Variants in TGFBR3 observed in about 807,000 individuals in gnomAD.
The protein encoded by TGFBR3 is transforming growth factor beta receptor 3, also known as transforming growth factor beta receptor type 3.
Under a neutral mutation model 87.9 loss-of-function variants are expected in TGFBR3, and 46 were observed. The observed-to-expected ratio is 0.52, with a 90% CI of 0.41 to 0.67. The LOEUF is 0.67. TGFBR3 is among the 30% of genes least tolerant of loss of function. The pLI is 0.00. For missense variants in TGFBR3, 866 were observed against 1,041.9 expected (o/e 0.83, Z 2.32); for synonymous variants, 381 against 391.6 (o/e 0.97, Z 0.32).
intron 2 of TGFBR3, among the ~76,000 whole-genome samples, chr1:91,825,790 G>A (rs1425279824): frequency 6.6e-6 from 1 of 152,138 alleles, no homozygotes; most frequent in Non-Finnish European, 1.5e-5. Flanking sequence ...AAACCAGCCT[G>A]GCCAACATGG....
At chr1:91,798,120 C>A (rs565048593) in intron 2 of TGFBR3, among the ~76,000 whole-genome samples, 76 of 152,276 alleles carry the variant, frequency 5.0e-4, no homozygotes, top group African/African-American at 1.8e-3. Context: ...ATCAGTCAAG[C>A]CTTAAATCCT....
At chr1:91,852,832 A>G (rs1677791673) in intron 2 of TGFBR3, among the ~76,000 whole-genome samples, 1 of 152,202 alleles carries the variant, frequency 6.6e-6, no homozygotes, top group Admixed American at 6.5e-5. Flanking sequence ...TGTATCAAAA[A>G]GCAGAATTAA....
At chr1:91,852,290 C>T (rs1677766877) in intron 2 of TGFBR3, among the ~76,000 whole-genome samples, 1 of 152,132 alleles carries the variant, frequency 6.6e-6, no homozygotes, top group East Asian at 1.9e-4. Flanking sequence ...GCTATCCACC[C>T]CACCTCCACA....
intron 2 of TGFBR3, among the ~76,000 whole-genome samples, chr1:91,851,869 T>C (rs944390286): frequency 6.6e-6 from 1 of 152,208 alleles, no homozygotes; most frequent in Non-Finnish European, 1.5e-5. Context: ...CATCTAGCAA[T>C]AATCTTACTC....
intron 5 of TGFBR3, among the ~76,000 whole-genome samples, chr1:91,730,189 C>T (rs10783003): frequency 0.55 from 83,080 of 151,804 alleles, 24,319 homozygotes; most frequent in South Asian, 0.8. Flanking sequence ...CAACTAGGGG[C>T]CTCTTTTGGC....
chr1:91,733,751 G>A (rs778506633), intron 5 of TGFBR3, among the ~76,000 whole-genome samples: 2 of 152,080 alleles, frequency 1.3e-5, no homozygotes, highest in African/African-American at 4.8e-5. Flanking sequence ...TTAAAAAAAG[G>A]TCTGGCCAGG....
chr1:91,825,882 G>A (rs1676614729), intron 2 of TGFBR3, among the ~76,000 whole-genome samples: 1 of 151,738 alleles, frequency 6.6e-6, no homozygotes, highest in Non-Finnish European at 1.5e-5. Context: ...TCGGGAGGCT[G>A]AGGCAGAACA....
chr1:91,876,388 C>T (rs1185238864), intron 1 of TGFBR3, among the ~76,000 whole-genome samples: 2 of 152,134 alleles, frequency 1.3e-5, no homozygotes, highest in African/African-American at 4.8e-5. Context: ...TAGCAGTAGG[C>T]ATCCCGAAAG....
chr1:91,685,097 T>G (rs919267554), intron 16 of TGFBR3, among the ~76,000 whole-genome samples: 1 of 152,188 alleles, frequency 6.6e-6, no homozygotes, highest in Non-Finnish European at 1.5e-5. Context: ...CTGCAAAATG[T>G]AGAACTGGCT....
chr1:91,685,247 T>C (rs187973173), intron 16 of TGFBR3, among the ~76,000 whole-genome samples: 2 of 152,230 alleles, frequency 1.3e-5, no homozygotes, highest in Non-Finnish European at 2.9e-5. Flanking sequence ...TAATTATCTT[T>C]TCTTCTGGGA....
intron 1 of TGFBR3, chr1:91,866,702 C>T (rs1678403826): frequency 2.0e-5 from 3 of 152,140 alleles, no homozygotes; most frequent in Admixed American, 2.0e-4. Flanking sequence ...ACAATAATCA[C>T]AAACATGTAA....
Position 91,727,772 on chromosome 1 carries a change from G to T in TGFBR3, c.772C>A (p.Pro258Thr). 6.2e-7 allele frequency: 1 copy of T among 1,613,978 alleles called. No homozygotes were observed. The part of the protein sequence containing the change: ...FQVDITIDIR[P>T]SQEDLEVVKN... ...ACCACTTCAAGATCCTCTTGAGAAGGTCTTATATCAATTGTTATATCCACC... is the reference window on the plus strand; with the variant it reads ...ACCACTTCAAGATCCTCTTGAGAAGTTCTTATATCAATTGTTATATCCACC... Residue 258 changes from proline to threonine, a missense_variant, in exon 7 of 17, where the codon CCT (proline) becomes ACT (threonine). Pro to Thr is a conservative substitution (Grantham distance 38). Coordinates refer to ENST00000212355, the MANE Select transcript of TGFBR3 (RefSeq NM_003243.5).
intron 2 of TGFBR3, among the ~76,000 whole-genome samples, chr1:91,826,108 G>A (rs1676624015): frequency 6.6e-6 from 1 of 152,106 alleles, no homozygotes. Context: ...AGCTACAGTG[G>A]CCACAAATAG....
At position 91,709,439 on chromosome 1, in the gene TGFBR3, G is replaced by A. The variant is rs371296463; in HGVS notation, c.2167-656C>T. On this transcript the variant is annotated intron_variant, in intron 13 of 16. Transcript: ENST00000212355. ...ATTGAAAAACAGAATGGTTGTATGGGGACTGTCTATACTGCATTATGAAGG... is the reference window on the plus strand; with the variant it reads ...ATTGAAAAACAGAATGGTTGTATGGAGACTGTCTATACTGCATTATGAAGG... Among the ~76,000 whole-genome samples, 13 of 152,198 alleles carry A rather than the reference G, an allele frequency of 8.5e-5. No individual in the cohort carries two copies. In the East Asian group the frequency reaches 2.5e-3, roughly 29 times the overall value.
At chr1:91,826,224 G>A (rs369995183) in intron 2 of TGFBR3, among the ~76,000 whole-genome samples, 4 of 152,190 alleles carry the variant, frequency 2.6e-5, no homozygotes, top group South Asian at 4.2e-4. Context: ...TAGCACATTA[G>A]AGGGTCCCCT....
chr1:91,722,859 T>C (rs1257670438), intron 7 of TGFBR3, among the ~76,000 whole-genome samples: 1 of 152,140 alleles, frequency 6.6e-6, no homozygotes, highest in Non-Finnish European at 1.5e-5. Flanking sequence ...ATAGAAAAGG[T>C]ACAGTAAAAA....
chr1:91,770,245 A>G (rs1442065278), intron 3 of TGFBR3, among the ~76,000 whole-genome samples: 1 of 151,810 alleles, frequency 6.6e-6, no homozygotes, highest in Non-Finnish European at 1.5e-5. Context: ...AAAAAAAAAG[A>G]GTGGGTGATT....
At chr1:91,781,945 A>C (rs1674782835) in intron 3 of TGFBR3, among the ~76,000 whole-genome samples, 1 of 152,258 alleles carries the variant, frequency 6.6e-6, no homozygotes, top group Admixed American at 6.5e-5. Context: ...AGCATTAAAA[A>C]TGAACACAAA....
intron 2 of TGFBR3, among the ~76,000 whole-genome samples, chr1:91,858,725 C>T (rs1031717117): frequency 2.0e-5 from 3 of 151,786 alleles, no homozygotes; most frequent in Non-Finnish European, 4.4e-5. Context: ...GCATCCATAC[C>T]TCTGTGCTAT....
Sources: gnomAD v4.1 joint callset for allele counts (sites outside exome capture counted in the v4.1 genomes callset) on GRCh38, gnomAD v4.1.1 for gene constraint, MANE v1.5 for transcripts, NCBI Gene and HGNC (gene_info 2026-07-23, HGNC 2026-07-21) for gene names.